Variants in CBLN2 observed in about 807,000 individuals in gnomAD.
CBLN2 encodes cerebellin 2 precursor, also known as cerebellin-2.
Under a neutral mutation model 15.0 loss-of-function variants are expected in CBLN2, and 7 were observed. That is an observed-to-expected ratio of 0.47 (90% CI 0.27 to 0.88). The LOEUF (loss-of-function observed/expected upper bound fraction) is 0.88, where lower values mean the gene tolerates loss of function less well. Ranked by LOEUF, CBLN2 falls within the 40% of genes least tolerant of loss-of-function variation. The pLI is 0.14. For missense variants in CBLN2, 242 were observed against 304.5 expected (o/e 0.79, Z 1.53); for synonymous variants, 149 against 135.2 (o/e 1.10, Z -0.71).
intron 1 of CBLN2, among the ~76,000 whole-genome samples, chr18:72,578,976 T>C (rs1407888574): frequency 6.6e-6 from 1 of 152,226 alleles, no homozygotes; most frequent in Non-Finnish European, 1.5e-5. Flanking sequence ...TCTGTGTCAC[T>C]ATCTCTCTGA....
In CBLN2 at chr18:72,576,338, G is replaced by A. The variant is rs186276454; in HGVS notation, c.16-37566C>T. ...AAGCAACTTCACATCCAGTCCAAAT[G>A]AGTGTTATCACCAAGGCCAAAACAT... On this transcript the variant is annotated intron_variant, in intron 1 of 2. Transcript: ENST00000581073. Among the ~76,000 whole-genome samples, 818 of 152,250 alleles carry A rather than the reference G, an allele frequency of 5.4e-3. 3 individuals carry two copies. In the Middle Eastern group the frequency reaches 0.062, roughly 11 times the overall value.
intron 3 of CBLN2, among the ~76,000 whole-genome samples, chr18:72,541,552 A>G (rs1363565927): frequency 1.3e-5 from 2 of 152,236 alleles, no homozygotes; most frequent in Non-Finnish European, 2.9e-5. Flanking sequence ...AAGCTTAGAC[A>G]GCCTTAAGGG....
At chr18:72,569,934 T>C (rs969203388) in intron 1 of CBLN2, among the ~76,000 whole-genome samples, 1 of 152,184 alleles carries the variant, frequency 6.6e-6, no homozygotes, top group Non-Finnish European at 1.5e-5. Context: ...ATAGTTTAAA[T>C]GGGAGATTCA....
chr18:72,553,916 A>T (rs375068759), intron 1 of CBLN2, among the ~76,000 whole-genome samples: 1 of 152,304 alleles, frequency 6.6e-6, no homozygotes, highest in African/African-American at 2.4e-5. Context: ...CTTGAAGACA[A>T]CTGTCAGATT....
intron 1 of CBLN2, among the ~76,000 whole-genome samples, chr18:72,575,890 G>GGTCA (rs2069363328): frequency 6.6e-6 from 1 of 152,094 alleles, no homozygotes; most frequent in Non-Finnish European, 1.5e-5. Context: ...TCTGACCACT[G>GGTCA]GAGTAAAAAT....
chr18:72,629,058 A>C (rs2069758545), intron 1 of CBLN2, among the ~76,000 whole-genome samples: 1 of 152,250 alleles, frequency 6.6e-6, no homozygotes, highest in Middle Eastern at 3.4e-3. Flanking sequence ...AAACAAAATG[A>C]CCCCATTTAC....
rs762466446 is a variant in CBLN2, at chr18:72,633,824, G to A, written c.15+4501C>T. Among the ~76,000 whole-genome samples, 18 of 152,028 alleles carry A rather than the reference G, an allele frequency of 1.2e-4. No individual in the cohort carries two copies. In the South Asian group the frequency reaches 1.9e-3, roughly 16 times the overall value. ...TTCTTTACTTCGAAATTCATTTCTC[G>A]TAAAATCATAGATTAATAAATATTG... is the stretch of plus-strand genomic sequence containing the variant. On this transcript the variant is annotated intron_variant, in intron 1 of 2. Coordinates refer to the CBLN2 transcript ENST00000581073.
chr18:72,550,801 G>T (rs942260349), intron 1 of CBLN2, among the ~76,000 whole-genome samples: 1 of 151,738 alleles, frequency 6.6e-6, no homozygotes, highest in African/African-American at 2.4e-5. Flanking sequence ...AATTCAAAAT[G>T]TTATTTGAGA....
intron 1 of CBLN2, among the ~76,000 whole-genome samples, chr18:72,553,503 T>TAA (rs2069204678): frequency 1.5e-5 from 2 of 130,682 alleles, no homozygotes; most frequent in Non-Finnish European, 3.4e-5. Flanking sequence ...TAGATAGATA[T>TAA]GAAAACAGAT....
In CBLN2 at chr18:72,602,146, C is replaced by G. The variant is rs192440011; in HGVS notation, c.15+36179G>C. Among the ~76,000 whole-genome samples, 430 of 152,336 alleles carry G rather than the reference C, an allele frequency of 2.8e-3. 1 individual carries two copies. The highest frequency in any genetic ancestry group is 0.01 in the African/African-American group (418 of 41,574). On this transcript the variant is annotated intron_variant, in intron 1 of 2. Transcript: ENST00000581073. Reference sequence around the variant, plus strand: ...CAAAGACATCCCCTTCCGGTCCCCCCAGAAGTGGTGCTAGTGGGACTTTTA... The same window carrying G: ...CAAAGACATCCCCTTCCGGTCCCCCGAGAAGTGGTGCTAGTGGGACTTTTA...
chr18:72,601,182 T>C (rs2069545656), intron 1 of CBLN2, among the ~76,000 whole-genome samples: 1 of 152,184 alleles, frequency 6.6e-6, no homozygotes, highest in Admixed American at 6.5e-5. Flanking sequence ...TTATCATCCT[T>C]GCTTTAAGGT....
At position 72,596,767 on chromosome 18, in the gene CBLN2, A is replaced by G. The variant is rs2069516554; in HGVS notation, c.15+41558T>C. The stretch of plus-strand genomic sequence containing the variant: ...CTCTCTCCTGGCCTGTATGGTTTCC[A>G]CTGAGAAATCTGCTGCCAGATGTAT... On this transcript the variant is annotated intron_variant, in intron 1 of 2. Transcript: ENST00000581073. Among the ~76,000 whole-genome samples, 4 of 152,196 alleles carry G rather than the reference A, an allele frequency of 2.6e-5. No individual in the cohort carries two copies. In the South Asian group the frequency reaches 8.3e-4, roughly 32 times the overall value.
chr18:72,626,949 C>T (rs978112096), intron 1 of CBLN2, among the ~76,000 whole-genome samples: 8 of 152,110 alleles, frequency 5.3e-5, no homozygotes, highest in African/African-American at 1.4e-4. Flanking sequence ...TTTGCTTGCC[C>T]GTGTTTGAAC....
chr18:72,575,059 A>G (rs2069356029), intron 1 of CBLN2, among the ~76,000 whole-genome samples: 1 of 152,276 alleles, frequency 6.6e-6, no homozygotes, highest in African/African-American at 2.4e-5. Flanking sequence ...CGAAGTAGTT[A>G]AGGAAAGGAG....
rs192057343 is a variant in CBLN2 at position 72,563,498 on chromosome 18, A to G, written c.16-24726T>C. On this transcript the variant is annotated intron_variant, in intron 1 of 2. Transcript: ENST00000581073. ...AGGAACAAATAAAATAAACATCTTG[A>G]CTTGAGTATCTGTACGAGAGCACTG... Among the ~76,000 whole-genome samples, 3 of 152,244 alleles carry G rather than the reference A, an allele frequency of 2.0e-5. No individual in the cohort carries two copies. In the East Asian group the frequency reaches 5.8e-4, roughly 29 times the overall value.
chr18:72,543,671 C>G lies in CBLN2; in HGVS notation c.-211-141G>C, dbSNP rs1598990160. Reference sequence around the variant, plus strand: ...AGCCTGCGCCGCTTCAGGGGTGCACCACGCCCCGCGCGCCCGCTTAGGCGC... The same window carrying G: ...AGCCTGCGCCGCTTCAGGGGTGCACGACGCCCCGCGCGCCCGCTTAGGCGC... On this transcript the variant is annotated intron_variant, in intron 1 of 4. Coordinates refer to ENST00000269503, the MANE Select transcript of CBLN2 (RefSeq NM_182511.4). The surrounding 1 kb of genome is among the most constrained non-coding windows in gnomAD (Gnocchi z 6.8). 7 of 365,044 alleles carry G rather than the reference C, an allele frequency of 1.9e-5. No homozygotes were observed. In the East Asian group the frequency reaches 2.7e-4, roughly 14 times the overall value. The allele number at this position is 365,044 out of a possible 1,614,324, so 22.6% of individuals were successfully genotyped here. A position where few individuals can be genotyped will look rare whatever the true frequency, so the allele number is the denominator to read the frequency against.
At chr18:72,575,355 G>C (rs1375019416) in intron 1 of CBLN2, among the ~76,000 whole-genome samples, 1 of 152,052 alleles carries the variant, frequency 6.6e-6, no homozygotes, top group Non-Finnish European at 1.5e-5. Flanking sequence ...TGTTAAGACA[G>C]GGATATTTTG....
chr18:72,538,956 G>T (rs2069088926), intron 3 of CBLN2, 184 bp from the exon 4 acceptor site: 2 of 571,658 alleles, frequency 3.5e-6, no homozygotes, highest in South Asian at 5.9e-5. Flanking sequence ...TCCTATAGCA[G>T]GAAGTAATCT....
intron 1 of CBLN2, among the ~76,000 whole-genome samples, chr18:72,592,608 G>GTATTTTCTTA (rs1320777690): frequency 2.0e-5 from 3 of 152,026 alleles, no homozygotes; most frequent in Non-Finnish European, 4.4e-5. Flanking sequence ...TTTTCTTATA[G>GTATTTTCTTA]TAGTTTCATA....
Sources: allele counts gnomAD v4.1 joint callset (sites outside exome capture counted in the v4.1 genomes callset), GRCh38; gene constraint gnomAD v4.1.1; non-coding constraint Gnocchi (gnomAD v3.1); transcripts MANE v1.5; gene names NCBI Gene and HGNC (gene_info 2026-07-23, HGNC 2026-07-21).